ZNF385B: variants seen among roughly 807,000 people sequenced by gnomAD.
ZNF385B encodes zinc finger protein 385B.
In ZNF385B, 23 loss-of-function variants were observed where a neutral mutation model predicts 39.2. That is an observed-to-expected ratio of 0.59 (90% confidence interval 0.42 to 0.83). ZNF385B has a LOEUF of 0.83. Ranked by LOEUF, ZNF385B falls within the 40% of genes least tolerant of loss-of-function variation. The pLI, the probability that ZNF385B is intolerant of heterozygous loss-of-function variation, is 0.00. For synonymous variants in ZNF385B, 205 were observed against 222.6 expected (o/e 0.92, Z 0.70); for missense variants, 552 against 598.9 (o/e 0.92, Z 0.82).
intron 3 of ZNF385B, among the ~76,000 whole-genome samples, chr2:179,589,514 T>C (rs1281259753): frequency 6.6e-6 from 1 of 152,180 alleles, no homozygotes; most frequent in Non-Finnish European, 1.5e-5. Flanking sequence ...TGAAGATTTC[T>C]TTAATCCACA....
chr2:179,479,035 T>G (rs1236675945), intron 6 of ZNF385B, among the ~76,000 whole-genome samples: 4 of 152,098 alleles, frequency 2.6e-5, no homozygotes, highest in African/African-American at 9.7e-5. Flanking sequence ...CAAAGCATAT[T>G]TTTCCTCCCT....
intron 3 of ZNF385B, among the ~76,000 whole-genome samples, chr2:179,682,474 T>C (rs147489802): frequency 6.6e-6 from 1 of 152,310 alleles, no homozygotes; most frequent in East Asian, 1.9e-4. Flanking sequence ...GATCCCAAAA[T>C]CCTGGCAATC....
At chr2:179,819,485 TC>T (rs1349746785) in intron 1 of ZNF385B, among the ~76,000 whole-genome samples, 1 of 152,148 alleles carries the variant, frequency 6.6e-6, no homozygotes, top group Admixed American at 6.6e-5. Flanking sequence ...TGCTTCATAA[TC>T]CAAAACTCTG....
Position 179,443,090 on chromosome 2 carries a change from CT to C in ZNF385B, c.*159del. ...GCAGTCTCTAAAAGCCCTCGTCAATCTAGTGATGTGTTTCTCTCTGGAATTG... is the reference window on the plus strand; with the variant it reads ...GCAGTCTCTAAAAGCCCTCGTCAATCAGTGATGTGTTTCTCTCTGGAATTG... On this transcript the variant is annotated 3_prime_UTR_variant, in exon 10 of 10. Coordinates refer to ENST00000410066, the MANE Select transcript of ZNF385B (RefSeq NM_152520.6). 1 of 784,828 alleles carries C rather than the reference CT, an allele frequency of 1.3e-6. No homozygotes were observed. Among genetic ancestry groups the C allele is most frequent in the Admixed American group, 2.0e-5 (1 of 48,982 alleles). The allele number at this position is 784,828 out of a possible 1,614,324, so 48.6% of individuals were successfully genotyped here.
intron 3 of ZNF385B, among the ~76,000 whole-genome samples, chr2:179,611,911 T>C (rs11687634): frequency 0.33 from 50,205 of 151,804 alleles, 8,636 homozygotes; most frequent in Middle Eastern, 0.46. Context: ...TTTGGGTCTC[T>C]TCCTCCTTCC....
chr2:179,654,095 G>A (rs1323615140), intron 3 of ZNF385B, among the ~76,000 whole-genome samples: 2 of 152,084 alleles, frequency 1.3e-5, no homozygotes, highest in Non-Finnish European at 2.9e-5. Context: ...GATGGATTTA[G>A]GATCATTCTC....
rs1048555567 is a variant in ZNF385B at position 179,443,527 on chromosome 2, A to G, written c.1243-59T>C. 12 of 1,306,976 alleles carry G rather than the reference A, an allele frequency of 9.2e-6. No homozygotes were observed. In the African/African-American group the frequency reaches 1.6e-4, roughly 18 times the overall value. 81.0% of individuals were successfully genotyped at this position (1,306,976 alleles called of 1,614,324 possible). A position where few individuals can be genotyped will look rare whatever the true frequency, so the allele number is the denominator to read the frequency against. ...GATCCTGTTTTTGAATAACAGCACC[A>G]CAGGCATCTTTTCATAAGTAAAACA... On this transcript the variant is annotated intron_variant, in intron 9 of 9. Transcript: ENST00000410066.
At chr2:179,717,115 T>C (rs1256722538) in intron 3 of ZNF385B, among the ~76,000 whole-genome samples, 1 of 152,138 alleles carries the variant, frequency 6.6e-6, no homozygotes, top group East Asian at 1.9e-4. Context: ...GTTTAAATGT[T>C]TAGGCCCTCA....
chr2:179,467,988 C>T (rs994374969), intron 6 of ZNF385B, among the ~76,000 whole-genome samples: 6 of 152,182 alleles, frequency 3.9e-5, no homozygotes, highest in African/African-American at 1.4e-4. Flanking sequence ...TTGAAAGCCT[C>T]TATCAATCAG....
At chr2:179,743,595 A>G (rs1002062808) in intron 3 of ZNF385B, among the ~76,000 whole-genome samples, 5 of 152,058 alleles carry the variant, frequency 3.3e-5, no homozygotes, top group Non-Finnish European at 5.9e-5. Context: ...CATTACCACA[A>G]TGCAAAGAAT....
chr2:179,861,074 G>A (rs1022942988), intron 1 of ZNF385B, 27 bp downstream of exon 1: 25 of 161,248 alleles, frequency 1.6e-4, no homozygotes, highest in Non-Finnish European at 2.5e-4. Context: ...CGGGGGCGCC[G>A]GTCTGGGCTG....
chr2:179,794,251 T>G (rs1705514559), intron 1 of ZNF385B, among the ~76,000 whole-genome samples: 1 of 152,196 alleles, frequency 6.6e-6, no homozygotes, highest in Admixed American at 6.5e-5. Flanking sequence ...CTTACCATTA[T>G]GCCCACCCAA....
At chr2:179,565,264 A>G (rs934917417) in intron 3 of ZNF385B, among the ~76,000 whole-genome samples, 1 of 152,184 alleles carries the variant, frequency 6.6e-6, no homozygotes, top group African/African-American at 2.4e-5. Flanking sequence ...GGGAAACATG[A>G]CATACATTAA....
chr2:179,702,051 C>T (rs546063439), intron 3 of ZNF385B, among the ~76,000 whole-genome samples: 187 of 152,174 alleles, frequency 1.2e-3, no homozygotes, highest in African/African-American at 4.3e-3. Flanking sequence ...AGACTTTTCA[C>T]GTTTTCATTT....
At chr2:179,516,942 C>T (rs148098587) in intron 5 of ZNF385B, among the ~76,000 whole-genome samples, 4,270 of 151,818 alleles carry the variant, frequency 0.028, 117 homozygotes, top group Middle Eastern at 0.058. Context: ...GTAGTCAAGG[C>T]GTTTTTTGAA....
chr2:179,467,834 A>G (rs2052249638), intron 6 of ZNF385B, among the ~76,000 whole-genome samples: 1 of 152,126 alleles, frequency 6.6e-6, no homozygotes. Context: ...AATAAAAAGC[A>G]TATTCATTTT....
chr2:179,672,174 A>C (rs995638993), intron 3 of ZNF385B, among the ~76,000 whole-genome samples: 10 of 152,202 alleles, frequency 6.6e-5, no homozygotes, highest in African/African-American at 2.4e-4. Flanking sequence ...ATTATTCTTG[A>C]GCCTTAAGAT....
intron 5 of ZNF385B, among the ~76,000 whole-genome samples, chr2:179,503,017 G>T (rs1220258608): frequency 6.6e-6 from 1 of 152,112 alleles, no homozygotes; most frequent in Non-Finnish European, 1.5e-5. Flanking sequence ...TGGGACTACA[G>T]GTACTTGTCG....
At chr2:179,568,882 A>G (rs1156588001) in intron 3 of ZNF385B, among the ~76,000 whole-genome samples, 1 of 152,192 alleles carries the variant, frequency 6.6e-6, no homozygotes, top group Admixed American at 6.5e-5. Flanking sequence ...AATAAACTCT[A>G]TTTAAACACT....
Sources: gnomAD v4.1 joint callset for allele counts (sites outside exome capture counted in the v4.1 genomes callset) on GRCh38, gnomAD v4.1.1 for gene constraint, MANE v1.5 for transcripts, NCBI Gene and HGNC (gene_info 2026-07-23, HGNC 2026-07-21) for gene names.